Variants in PLXNA4 observed in about 807,000 individuals in gnomAD.
PLXNA4 encodes plexin-A4.
Under a neutral mutation model 191.8 loss-of-function variants are expected in PLXNA4, and 44 were observed. The observed-to-expected ratio is 0.23, with a 90% CI of 0.18 to 0.29. The LOEUF (loss-of-function observed/expected upper bound fraction) is 0.29. Among genes scored for constraint, PLXNA4 ranks in the 10% least tolerant of loss-of-function variants. The probability of loss-of-function intolerance (pLI) is 1.00; values close to 1 mark genes in which losing one functional copy is unlikely to be tolerated. For synonymous variants in PLXNA4, 1,082 were observed against 1,009.5 expected (o/e 1.07, Z -1.36); for missense variants, 1,800 against 2,488.8 (o/e 0.72, Z 5.89).
intron 25 of PLXNA4, among the ~76,000 whole-genome samples, chr7:132,151,177 G>T (rs1177159129): frequency 6.6e-6 from 1 of 151,192 alleles, no homozygotes; most frequent in African/African-American, 2.4e-5. Flanking sequence ...AAAGGTGAAA[G>T]AATAAGAAGA....
At chr7:132,179,179 C>T (rs1325178839) in intron 20 of PLXNA4, among the ~76,000 whole-genome samples, 1 of 149,442 alleles carries the variant, frequency 6.7e-6, no homozygotes, top group Non-Finnish European at 1.5e-5. Flanking sequence ...TCCAGCACTG[C>T]TCACAGCTGC....
intron 3 of PLXNA4, among the ~76,000 whole-genome samples, chr7:132,312,023 CCA>C (rs1801761784): frequency 6.6e-6 from 1 of 151,980 alleles, no homozygotes; most frequent in South Asian, 2.1e-4. Flanking sequence ...CCAGGAAAAA[CCA>C]CAGAGACCCA....
chr7:132,550,310 G>A (rs1053105347), intron 1 of PLXNA4, among the ~76,000 whole-genome samples: 26 of 152,174 alleles, frequency 1.7e-4, no homozygotes, highest in Non-Finnish European at 5.9e-5. Context: ...GCCTGGAGAT[G>A]CCTACAGTGG....
chr7:132,192,428 A>G (rs930067442), intron 14 of PLXNA4, among the ~76,000 whole-genome samples: 2 of 151,760 alleles, frequency 1.3e-5, no homozygotes, highest in Non-Finnish European at 2.9e-5. Flanking sequence ...AGATGAGATA[A>G]AGGAGGGAGG....
At chr7:132,415,618 T>C (rs1309059426) in intron 3 of PLXNA4, among the ~76,000 whole-genome samples, 1 of 152,198 alleles carries the variant, frequency 6.6e-6, no homozygotes, top group African/African-American at 2.4e-5. Context: ...ATGGTGGAAA[T>C]ACACTTCCCT....
In PLXNA4 at chr7:132,210,990, G is replaced by T; in HGVS notation, c.2251C>A (p.Pro751Thr). The T allele has an allele frequency of 1.9e-6, 3 of 1,613,644 alleles. No individual in the cohort carries two copies. The highest frequency in any genetic ancestry group is 2.5e-6 in the Non-Finnish European group (3 of 1,180,008). The part of the protein sequence containing the change: ...LNIQGSEQRV[P>T]ALRFNSSSVQ... The stretch of plus-strand genomic sequence containing the variant: ...CTGGAGCTGTTGAAGCGCAGGGCGG[G>T]CACTCGCTGCTCGCTGCCCTGAATG... The change falls in exon 10 of 32, where the codon CCC (proline) becomes ACC (threonine). Residue 751 changes from proline to threonine, a missense_variant. This residue lies in a region of PLXNA4 where 1,397 missense variants were observed against 1,880.4 expected (regional missense o/e 0.74). Coordinates refer to ENST00000321063, the MANE Select transcript of PLXNA4 (RefSeq NM_020911.2).
At chr7:132,549,325 A>T (rs1376342750) in intron 1 of PLXNA4, among the ~76,000 whole-genome samples, 1 of 152,154 alleles carries the variant, frequency 6.6e-6, no homozygotes, top group Non-Finnish European at 1.5e-5. Flanking sequence ...CCACCTAAGA[A>T]AACAGGAATC....
chr7:132,235,369 A>C (rs1029349804), intron 5 of PLXNA4, among the ~76,000 whole-genome samples: 1 of 152,258 alleles, frequency 6.6e-6, no homozygotes, highest in African/African-American at 2.4e-5. Context: ...ACAGGTCCTC[A>C]GTTGTAACTA....
At chr7:132,512,737 T>C (rs1213654279) in intron 1 of PLXNA4, among the ~76,000 whole-genome samples, 27 of 152,214 alleles carry the variant, frequency 1.8e-4, no homozygotes, top group Non-Finnish European at 1.5e-5. Flanking sequence ...TGTCTAAGGC[T>C]GCTCCAATCT....
chr7:132,592,519 CTT>C (rs5887580), intron 2 of PLXNA4, among the ~76,000 whole-genome samples: 12 of 145,804 alleles, frequency 8.2e-5, no homozygotes, highest in African/African-American at 1.5e-4. Flanking sequence ...TTAATTTAAC[CTT>C]TTTTTTTTTT....
chr7:132,298,159 C>G lies in PLXNA4; in HGVS notation c.1435G>C (p.Gly479Arg), dbSNP rs1322390992. 4.3e-6 allele frequency: 7 copies of G among 1,614,136 alleles called. No individual in the cohort carries two copies. The highest frequency in any genetic ancestry group is 5.1e-6 in the Non-Finnish European group (6 of 1,180,014). ...QYETVQVVDP[G>R]PVLRDMAFSK... ...AAGGCCATATCCCGGAGGACTGGGCCGGGGTCCACCACCTGCACCGTCTCA... is the reference window on the plus strand; with the variant it reads ...AAGGCCATATCCCGGAGGACTGGGCGGGGGTCCACCACCTGCACCGTCTCA... The change falls in exon 4 of 32, where the codon GGC becomes CGC. Residue 479 changes from glycine (G) to arginine (R), a missense_variant. Coordinates refer to ENST00000321063, the MANE Select transcript of PLXNA4 (RefSeq NM_020911.2).
At chr7:132,145,915 C>CAAAAAAA (rs397778925) in intron 28 of PLXNA4, among the ~76,000 whole-genome samples, 1 of 92,400 alleles carries the variant, frequency 1.1e-5, no homozygotes, top group Non-Finnish European at 2.1e-5. Context: ...ACTAAAAATA[C>CAAAAAAA]AAAAAAAAAA....
At chr7:132,248,009 A>G (rs1799119106) in intron 4 of PLXNA4, among the ~76,000 whole-genome samples, 1 of 152,204 alleles carries the variant, frequency 6.6e-6, no homozygotes, top group African/African-American at 2.4e-5. Flanking sequence ...CTATGGCCTC[A>G]TGGTGAATAG....
In PLXNA4 at chr7:132,198,592, A is replaced by G; in HGVS notation, c.2631T>C (p.Thr877=). ...TGPREGGTKV[T]IRGENLGLEF... ...CCAGGCCCAGGTTCTCCCCTCGGAT[A>G]GTGACCTTGGTGCCCCCTTCCCGGG... is the stretch of plus-strand genomic sequence containing the variant. The change falls in exon 13 of 32, where the codon ACT becomes ACC. Residue 877 remains threonine (T), a synonymous_variant. Coordinates refer to ENST00000321063, the MANE Select transcript of PLXNA4 (RefSeq NM_020911.2). 1 of 1,614,228 alleles carries G rather than the reference A, an allele frequency of 6.2e-7. No individual in the cohort carries two copies. Among genetic ancestry groups the G allele is most frequent in the African/African-American group, 1.3e-5 (1 of 75,068 alleles).
intron 3 of PLXNA4, among the ~76,000 whole-genome samples, chr7:132,339,009 A>G (rs1432504633): frequency 2.0e-5 from 3 of 152,214 alleles, no homozygotes; most frequent in Non-Finnish European, 4.4e-5. Context: ...ACTGAAGAGG[A>G]GGAATGGAAG....
chr7:132,344,470 T>C (rs6953350), intron 3 of PLXNA4, among the ~76,000 whole-genome samples: 78,013 of 152,006 alleles, frequency 0.51, 22,223 homozygotes, highest in African/African-American at 0.77. Flanking sequence ...GCAGAGCAGG[T>C]GTGGGGTCTC....
chr7:132,153,957 G>C (rs1243730917), intron 25 of PLXNA4, among the ~76,000 whole-genome samples: 2 of 152,146 alleles, frequency 1.3e-5, no homozygotes, highest in East Asian at 3.9e-4. Context: ...CTTCAGGAAG[G>C]GCTGCTGAAG....
chr7:132,130,421 C>T lies in PLXNA4; in HGVS notation c.*58G>A, dbSNP rs905993840. ...ACTTGCACTTGGTAAAGATGATAAT[C>T]TAGACTGAGGCACGGCTTGGTGTGT... On this transcript the variant is annotated 3_prime_UTR_variant, in exon 32 of 32. Transcript: ENST00000321063. 2 of 1,612,634 alleles carry T rather than the reference C, an allele frequency of 1.2e-6. No individual in the cohort carries two copies. The highest frequency in any genetic ancestry group is 2.7e-5 in the African/African-American group (2 of 75,038).
intron 2 of PLXNA4, 25 bp downstream of exon 2, chr7:132,507,481 A>G: frequency 1.3e-6 from 2 of 1,580,118 alleles, no homozygotes; most frequent in Non-Finnish European, 1.7e-6. Context: ...CAACCATCCC[A>G]GCGCGCAGCC....
Sources: gnomAD v4.1 joint callset for allele counts (sites outside exome capture counted in the v4.1 genomes callset) on GRCh38, gnomAD v4.1.1 for gene constraint, gnomAD v4.1.1 regional missense constraint, MANE v1.5 for transcripts, NCBI Gene and HGNC (gene_info 2026-07-23, HGNC 2026-07-21) for gene names.